AZIN2: variants seen among roughly 807,000 people sequenced by gnomAD.
The protein encoded by AZIN2 is ODC antizyme inhibitor-2.
A neutral mutation model predicts 47.8 loss-of-function variants in AZIN2; 28 were observed. The ratio of observed to expected loss-of-function variants is 0.59; its 90% confidence interval spans 0.43 to 0.80. The LOEUF is 0.80. AZIN2 is among the 30% of genes least tolerant of loss of function. AZIN2 has a pLI of 0.00. For missense variants in AZIN2, 535 were observed against 582.5 expected (o/e 0.92, Z 0.84); for synonymous variants, 221 against 239.4 (o/e 0.92, Z 0.71).
chr1:33,106,074 AGAG>A (rs1330361788), intron 10 of AZIN2, among the ~76,000 whole-genome samples: 6 of 152,254 alleles, frequency 3.9e-5, no homozygotes, highest in Non-Finnish European at 8.8e-5. Flanking sequence ...TATAAATGAA[AGAG>A]GAGACATTAC....
chr1:33,120,389 C>T lies in AZIN2; in HGVS notation c.*207C>T, dbSNP rs563098736. On this transcript the variant is annotated 3_prime_UTR_variant, in exon 12 of 12. Transcript: ENST00000294517. ...CAAGTATGCAACATAAATCCTGTTC[C>T]TTCCAGCTGTGTCTGCCTCCTCTGC... 31 of 706,050 alleles carry T rather than the reference C, an allele frequency of 4.4e-5. No individual in the cohort carries two copies. In the South Asian group the frequency reaches 4.6e-4, roughly 10 times the overall value. 43.7% of individuals were successfully genotyped at this position (706,050 alleles called of 1,614,324 possible).
At chr1:33,092,875 G>C (rs1264736605) in intron 6 of AZIN2, among the ~76,000 whole-genome samples, 1 of 152,212 alleles carries the variant, frequency 6.6e-6, no homozygotes, top group Non-Finnish European at 1.5e-5. Flanking sequence ...GGGCCTTGGG[G>C]TGAAGGGGGT....
chr1:33,139,424 G>T, the AZIN2 span, among the ~76,000 whole-genome samples: 2 of 152,208 alleles, frequency 1.3e-5, no homozygotes, highest in African/African-American at 4.8e-5. Flanking sequence ...ATGCCTAGTG[G>T]CAGTGGGAGA....
At chr1:33,105,781 C>T (rs1465799793) in intron 10 of AZIN2, among the ~76,000 whole-genome samples, 1 of 152,178 alleles carries the variant, frequency 6.6e-6, no homozygotes, top group Middle Eastern at 3.2e-3. Flanking sequence ...TGTATGAGCA[C>T]TTCACAAATG....
intron 5 of AZIN2, among the ~76,000 whole-genome samples, chr1:33,089,083 C>T (rs1234152733): frequency 6.6e-6 from 1 of 152,172 alleles, no homozygotes; most frequent in African/African-American, 2.4e-5. Flanking sequence ...TTCCCCATTA[C>T]AGCAGTGAGG....
At chr1:33,095,615 G>A (rs1643067270) in intron 8 of AZIN2, among the ~76,000 whole-genome samples, 1 of 151,982 alleles carries the variant, frequency 6.6e-6, no homozygotes, top group African/African-American at 2.4e-5. Context: ...TGAATTTTCT[G>A]TAATCAAGTA....
chr1:33,096,043 G>C (rs1357817944), intron 8 of AZIN2, among the ~76,000 whole-genome samples: 1 of 152,092 alleles, frequency 6.6e-6, no homozygotes, highest in African/African-American at 2.4e-5. Flanking sequence ...TCACCATGTT[G>C]GCCAGGCTGG....
the AZIN2 span, among the ~76,000 whole-genome samples, chr1:33,149,385 C>T: frequency 1.3e-5 from 2 of 151,986 alleles, no homozygotes; most frequent in Non-Finnish European, 2.9e-5. Flanking sequence ...AACTCCTGGC[C>T]TCAAGTGATC....
chr1:33,086,503 G>A (rs145108289), intron 5 of AZIN2, among the ~76,000 whole-genome samples: 173 of 152,312 alleles, frequency 1.1e-3, no homozygotes, highest in Non-Finnish European at 2.1e-3. Context: ...GTGGCTCCCC[G>A]ACTTACAGCT....
Position 33,120,386 on chromosome 1 carries a change from T to G in AZIN2, c.*204T>G. The G allele has an allele frequency of 5.7e-6, 4 of 703,192 alleles. No homozygotes were observed. The highest frequency in any genetic ancestry group is 6.7e-6 in the Non-Finnish European group (3 of 446,338). The allele number at this position is 703,192 out of a possible 1,614,324, so 43.6% of individuals were successfully genotyped here. ...GTTCAAGTATGCAACATAAATCCTG[T>G]TCCTTCCAGCTGTGTCTGCCTCCTC... is the stretch of plus-strand genomic sequence containing the variant. On this transcript the variant is annotated 3_prime_UTR_variant, in exon 12 of 12. Transcript: ENST00000294517.
At chr1:33,123,773 C>T (rs561649142), downstream of AZIN2, among the ~76,000 whole-genome samples, 2 of 151,816 alleles carry the variant, frequency 1.3e-5, no homozygotes, top group Admixed American at 6.6e-5. Flanking sequence ...CCAAGGCAGG[C>T]GGATCACGAG....
chr1:33,097,869 G>A, intron 9 of AZIN2, 198 bp from the exon 10 acceptor site: 2 of 588,264 alleles, frequency 3.4e-6, no homozygotes, highest in African/African-American at 3.8e-5. Flanking sequence ...CTTGGCTGCA[G>A]GGGTGAGTGT....
At chr1:33,083,136 T>C (rs1487096099) in intron 4 of AZIN2, 1 of 152,638 alleles carries the variant, frequency 6.6e-6, no homozygotes, top group African/African-American at 2.4e-5. Context: ...ATCTGCTGAA[T>C]GGACTTGTAA....
chr1:33,145,866 A>G, the AZIN2 span: 13 of 471,040 alleles, frequency 2.8e-5, no homozygotes, highest in Middle Eastern at 3.2e-4. Flanking sequence ...CTTCTAGGGA[A>G]ATGACATTTC....
the AZIN2 span, among the ~76,000 whole-genome samples, chr1:33,134,232 C>T: frequency 5.3e-5 from 8 of 152,194 alleles, no homozygotes; most frequent in African/African-American, 1.4e-4. Flanking sequence ...ACTGTTATTT[C>T]GACTCATTTG....
chr1:33,116,088 C>G (rs928312162), intron 10 of AZIN2, among the ~76,000 whole-genome samples: 1 of 152,054 alleles, frequency 6.6e-6, no homozygotes, highest in African/African-American at 2.4e-5. Context: ...CTTTGTCTCC[C>G]CTTCTTAGAA....
chr1:33,095,353 C>G (rs955447268), intron 8 of AZIN2, among the ~76,000 whole-genome samples: 1 of 152,194 alleles, frequency 6.6e-6, no homozygotes, highest in Non-Finnish European at 1.5e-5. Flanking sequence ...CCATCTAATA[C>G]TCAGGATTTG....
At chr1:33,142,169 C>A in the AZIN2 span, 1 of 152,408 alleles carries the variant, frequency 6.6e-6, no homozygotes, top group Admixed American at 6.5e-5. Flanking sequence ...GATACCGGGC[C>A]TTTGCAACTG....
intron 10 of AZIN2, among the ~76,000 whole-genome samples, chr1:33,109,419 C>G (rs1237922369): frequency 6.6e-6 from 1 of 151,760 alleles, no homozygotes; most frequent in Admixed American, 6.6e-5. Context: ...ACCTTCGCCT[C>G]CCAGGCTCAA....
Sources: allele counts gnomAD v4.1 joint callset (sites outside exome capture counted in the v4.1 genomes callset), GRCh38; gene constraint gnomAD v4.1.1; transcripts MANE v1.5; gene names NCBI Gene and HGNC (gene_info 2026-07-23, HGNC 2026-07-21).